SUPT3H: variants seen among roughly 807,000 people sequenced by gnomAD.
SUPT3H encodes the protein transcription initiation protein SPT3 homolog.
A neutral mutation model predicts 44.3 loss-of-function variants in SUPT3H; 44 were observed. The observed-to-expected ratio is 0.99, with a 90% CI of 0.78 to 1.28. SUPT3H has a LOEUF of 1.28. SUPT3H is among the 50% of genes most tolerant of loss of function. The probability of loss-of-function intolerance (pLI) is 0.00; values close to 1 mark genes in which losing one functional copy is unlikely to be tolerated. For missense variants in SUPT3H, 380 were observed against 387.1 expected (o/e 0.98, Z 0.15); for synonymous variants, 124 against 125.6 (o/e 0.99, Z 0.09).
At chr6:45,229,186 GTTTTTTAAT>G (rs1767499144) in intron 2 of SUPT3H, among the ~76,000 whole-genome samples, 1 of 151,916 alleles carries the variant, frequency 6.6e-6, no homozygotes, top group Admixed American at 6.6e-5. Context: ...ACTGGTTTGG[GTTTTTTAAT>G]TTTATTTTTT....
At chr6:44,930,845 A>G (rs146958185) in intron 10 of SUPT3H, among the ~76,000 whole-genome samples, 1 of 152,342 alleles carries the variant, frequency 6.6e-6, no homozygotes, top group Non-Finnish European at 1.5e-5. Context: ...AGTTTTAAAA[A>G]GCCCATTCTT....
At chr6:45,152,254 A>G (rs945488819) in intron 2 of SUPT3H, among the ~76,000 whole-genome samples, 4 of 152,164 alleles carry the variant, frequency 2.6e-5, no homozygotes, top group South Asian at 2.1e-4. Flanking sequence ...CCTTAAAATC[A>G]TCTCCAACAT....
chr6:45,154,230 T>C (rs1007904848), intron 2 of SUPT3H, among the ~76,000 whole-genome samples: 1 of 152,146 alleles, frequency 6.6e-6, no homozygotes, highest in Non-Finnish European at 1.5e-5. Context: ...ATTATTTACT[T>C]CACACCTACT....
chr6:44,954,835 G>C (rs532935429), intron 7 of SUPT3H, among the ~76,000 whole-genome samples: 3 of 152,188 alleles, frequency 2.0e-5, no homozygotes, highest in African/African-American at 7.2e-5. Context: ...TTACGTATTT[G>C]GGTCTTTTAT....
rs546748410 is a variant in SUPT3H, at chr6:45,018,617, G to C, written c.273+1929C>G. Among the ~76,000 whole-genome samples the C allele has an allele frequency of 8.6e-3, 1,307 of 151,946 alleles. 23 individuals carry two copies. Among genetic ancestry groups the C allele is most frequent in the African/African-American group, 0.03 (1,233 of 41,518 alleles). On this transcript the variant is annotated intron_variant, in intron 4 of 10. Coordinates refer to ENST00000371459, the MANE Select transcript of SUPT3H (RefSeq NM_003599.4). ...CTATTGAGATAATCATGTGGTTTTTGTCTTTGGCTCTGTTTATATGCTGGA... is the reference window on the plus strand; with the variant it reads ...CTATTGAGATAATCATGTGGTTTTTCTCTTTGGCTCTGTTTATATGCTGGA...
intron 9 of SUPT3H, among the ~76,000 whole-genome samples, chr6:44,949,611 C>A (rs201823223): frequency 1.4e-3 from 200 of 140,006 alleles, no homozygotes; most frequent in Non-Finnish European, 1.6e-3. Context: ...CCTTTGCCTG[C>A]AAAAAAAAAA....
chr6:45,188,812 C>T (rs968507957), intron 2 of SUPT3H, among the ~76,000 whole-genome samples: 1 of 152,000 alleles, frequency 6.6e-6, no homozygotes, highest in Admixed American at 6.5e-5. Context: ...CACTTAACCA[C>T]CCTTAAATGA....
At chr6:45,087,563 A>G (rs1796628293) in intron 3 of SUPT3H, among the ~76,000 whole-genome samples, 1 of 152,052 alleles carries the variant, frequency 6.6e-6, no homozygotes, top group Non-Finnish European at 1.5e-5. Flanking sequence ...TAGCAATAAT[A>G]ATAAAAGGAA....
At chr6:45,204,085 A>T (rs1762826817) in intron 2 of SUPT3H, among the ~76,000 whole-genome samples, 3 of 152,004 alleles carry the variant, frequency 2.0e-5, no homozygotes. Flanking sequence ...CATCTCTACT[A>T]AAAATACAAA....
chr6:45,101,815 A>C (rs906064448), intron 3 of SUPT3H, among the ~76,000 whole-genome samples: 3 of 152,144 alleles, frequency 2.0e-5, no homozygotes, highest in Non-Finnish European at 4.4e-5. Flanking sequence ...ACAAAAAAAA[A>C]CCTGGCAGTG....
chr6:45,229,241 AC>A (rs888893663), intron 2 of SUPT3H, among the ~76,000 whole-genome samples: 1 of 152,048 alleles, frequency 6.6e-6, no homozygotes, highest in Non-Finnish European at 1.5e-5. Context: ...AACCATTTTT[AC>A]CAAAATAGCC....
chr6:45,271,966 A>G (rs1409456101), intron 2 of SUPT3H, among the ~76,000 whole-genome samples: 4 of 152,190 alleles, frequency 2.6e-5, no homozygotes, highest in African/African-American at 4.8e-5. Flanking sequence ...ACTGGATTTC[A>G]GACTTGCACA....
At chr6:45,288,565 GTATATATATATATATA>G (rs59842389) in intron 2 of SUPT3H, among the ~76,000 whole-genome samples, 25,631 of 93,892 alleles carry the variant, frequency 0.27, 3,626 homozygotes, top group East Asian at 0.5. Context: ...ATATATATAT[GTATATATATATATATA>G]TGTATATATA....
At chr6:45,090,233 A>G (rs148440206) in intron 3 of SUPT3H, among the ~76,000 whole-genome samples, 1 of 152,220 alleles carries the variant, frequency 6.6e-6, no homozygotes, top group African/African-American at 2.4e-5. Flanking sequence ...AAAATATTAT[A>G]CTTACTGAAA....
chr6:45,276,626 G>A (rs1180414230), intron 2 of SUPT3H, among the ~76,000 whole-genome samples: 1 of 152,108 alleles, frequency 6.6e-6, no homozygotes, highest in East Asian at 1.9e-4. Flanking sequence ...TTAAAGTGAT[G>A]GCACACCAGC....
At chr6:45,173,881 C>T (rs73451303) in intron 2 of SUPT3H, among the ~76,000 whole-genome samples, 25,342 of 152,202 alleles carry the variant, frequency 0.17, 3,210 homozygotes, top group African/African-American at 0.35. Flanking sequence ...TTTTACAGTA[C>T]TGCTCACCTT....
chr6:45,003,601 A>G, intron 6 of SUPT3H, 52 bp downstream of exon 6: 1 of 1,585,374 alleles, frequency 6.3e-7, no homozygotes, highest in Non-Finnish European at 8.6e-7. Context: ...CAAACAGCAT[A>G]GGCACTGCAA....
chr6:44,856,064 T>C (rs1773669278), intron 10 of SUPT3H, among the ~76,000 whole-genome samples: 1 of 152,200 alleles, frequency 6.6e-6, no homozygotes, highest in African/African-American at 2.4e-5. Flanking sequence ...TGGTTCCAAA[T>C]ATAGTTGAAG....
intron 5 of SUPT3H, among the ~76,000 whole-genome samples, chr6:45,012,939 T>C (rs1266259325): frequency 6.6e-6 from 1 of 152,140 alleles, no homozygotes; most frequent in Non-Finnish European, 1.5e-5. Flanking sequence ...ATCTCCTCCA[T>C]AACCAGAGAT....
Sources: allele counts gnomAD v4.1 joint callset (sites outside exome capture counted in the v4.1 genomes callset), GRCh38; gene constraint gnomAD v4.1.1; transcripts MANE v1.5; gene names NCBI Gene and HGNC (gene_info 2026-07-23, HGNC 2026-07-21).